Variants in BMAL1 observed in about 807,000 individuals in gnomAD.
BMAL1 encodes basic helix-loop-helix ARNT-like protein 1.
At chr11:13,338,032 T>A in the BMAL1 span, among the ~76,000 whole-genome samples, 3 of 152,172 alleles carry the variant, frequency 2.0e-5, no homozygotes, top group Non-Finnish European at 4.4e-5. Context: ...CCAATAGTTT[T>A]TGTGTTGTTA....
chr11:13,344,464 A>G, the BMAL1 span, among the ~76,000 whole-genome samples: 1 of 152,194 alleles, frequency 6.6e-6, no homozygotes, highest in Non-Finnish European at 1.5e-5. Context: ...TGTACTTATT[A>G]AAACACTCGT....
chr11:13,327,275 C>T, the BMAL1 span, among the ~76,000 whole-genome samples: 2 of 151,888 alleles, frequency 1.3e-5, no homozygotes, highest in Admixed American at 6.6e-5. Context: ...AATGAAATAA[C>T]ATGTAATTTC....
At chr11:13,282,760 CT>C in the BMAL1 span, among the ~76,000 whole-genome samples, 1 of 152,248 alleles carries the variant, frequency 6.6e-6, no homozygotes, top group Non-Finnish European at 1.5e-5. Context: ...AATATCTCAC[CT>C]GCTCGCTCAG....
chr11:13,347,833 G>C, the BMAL1 span, among the ~76,000 whole-genome samples: 103 of 152,348 alleles, frequency 6.8e-4, no homozygotes, highest in African/African-American at 2.4e-3. Context: ...CTGGGCGACA[G>C]AGCAAGACTG....
At chr11:13,293,129 G>A in the BMAL1 span, among the ~76,000 whole-genome samples, 1 of 152,172 alleles carries the variant, frequency 6.6e-6, no homozygotes, top group African/African-American at 2.4e-5. Context: ...ATCTAAGCAG[G>A]CACACAGAAA....
chr11:13,369,112 C>G, the BMAL1 span, among the ~76,000 whole-genome samples: 4 of 152,114 alleles, frequency 2.6e-5, no homozygotes, highest in Non-Finnish European at 5.9e-5. Flanking sequence ...ATCATGCATC[C>G]AGGGTATTCT....
At chr11:13,299,070 A>G in the BMAL1 span, among the ~76,000 whole-genome samples, 1 of 152,170 alleles carries the variant, frequency 6.6e-6, no homozygotes. Context: ...TTAATCCATC[A>G]GGACCCTTAC....
At chr11:13,371,553 G>A in the BMAL1 span, among the ~76,000 whole-genome samples, 3 of 152,036 alleles carry the variant, frequency 2.0e-5, no homozygotes, top group Non-Finnish European at 1.5e-5. Context: ...CAGTTCATAC[G>A]TCACTCTGCT....
At chr11:13,355,192 A>G in the BMAL1 span, 6 of 1,594,920 alleles carry the variant, frequency 3.8e-6, no homozygotes, top group Non-Finnish European at 5.2e-6. Context: ...CCGAGGAGGT[A>G]TACCCCCTAC....
chr11:13,386,796 T>A, the BMAL1 span: 44 of 1,598,568 alleles, frequency 2.8e-5, no homozygotes, highest in African/African-American at 5.1e-4. Context: ...AGTATCAAAG[T>A]GCATTACTGG....
chr11:13,304,291 A>T, the BMAL1 span, among the ~76,000 whole-genome samples: 1 of 152,052 alleles, frequency 6.6e-6, no homozygotes, highest in African/African-American at 2.4e-5. Flanking sequence ...AGAGGTGGGG[A>T]GAAGCCGTTA....
At chr11:13,372,041 AGT>A in the BMAL1 span, 9,316 of 1,321,364 alleles carry the variant, frequency 7.1e-3, 513 homozygotes, top group African/African-American at 0.12. Flanking sequence ...ACTTCTGGAG[AGT>A]GAAGCCTTGA....
the BMAL1 span, chr11:13,374,297 T>A: frequency 2.6e-6 from 3 of 1,161,862 alleles, no homozygotes; most frequent in Non-Finnish European, 3.8e-6. Context: ...CCACTGAGGA[T>A]GTAGAGTCAG....
chr11:13,284,246 ATATATATATATATATATATATTTTT>A, the BMAL1 span, among the ~76,000 whole-genome samples: 22 of 11,238 alleles, frequency 2.0e-3, no homozygotes, highest in Non-Finnish European at 3.6e-3. Context: ...ATATATATAT[ATATATATATATATATATATATTTTT>A]TTTTTTAATG....
the BMAL1 span, among the ~76,000 whole-genome samples, chr11:13,285,044 C>T: frequency 1.3e-5 from 2 of 152,310 alleles, no homozygotes; most frequent in Admixed American, 6.5e-5. Flanking sequence ...CCCTTGAGGC[C>T]TCTCTTCCTT....
the BMAL1 span, among the ~76,000 whole-genome samples, chr11:13,327,441 C>T: frequency 6.6e-6 from 1 of 151,930 alleles, no homozygotes; most frequent in Non-Finnish European, 1.5e-5. Flanking sequence ...GTGTTTTTTT[C>T]TCCTGTTGCT....
At chr11:13,372,901 T>G in the BMAL1 span, among the ~76,000 whole-genome samples, 1 of 152,196 alleles carries the variant, frequency 6.6e-6, no homozygotes, top group Non-Finnish European at 1.5e-5. Flanking sequence ...CTGTCATTCT[T>G]TGGCATATAG....
At chr11:13,309,295 TA>T in the BMAL1 span, among the ~76,000 whole-genome samples, 1 of 152,082 alleles carries the variant, frequency 6.6e-6, no homozygotes, top group East Asian at 1.9e-4. Context: ...TGGTAGGGTC[TA>T]TCGGGGGAAA....
chr11:13,317,081 C>T, the BMAL1 span, among the ~76,000 whole-genome samples: 203 of 152,074 alleles, frequency 1.3e-3, no homozygotes, highest in Middle Eastern at 3.4e-3. Flanking sequence ...TGCTTAGCAC[C>T]GTGACTGGCG....
Sources: gnomAD v4.1 joint callset for allele counts (sites outside exome capture counted in the v4.1 genomes callset) on GRCh38, gnomAD v4.1.1 for gene constraint, MANE v1.5 for transcripts, NCBI Gene and HGNC (gene_info 2026-07-23, HGNC 2026-07-21) for gene names.